The following DPP6 variants were observed in gnomAD, a reference collection of about 807,000 sequenced individuals.
DPP6 encodes the protein A-type potassium channel modulatory protein DPP6.
In DPP6, 69 loss-of-function variants were observed where a neutral mutation model predicts 122.6. That is an observed-to-expected ratio of 0.56 (90% CI 0.46 to 0.69). The LOEUF (loss-of-function observed/expected upper bound fraction) is 0.69. DPP6 is among the 30% of genes least tolerant of loss of function. DPP6 has a pLI of 0.00. For missense variants in DPP6, 928 were observed against 1,116.9 expected (o/e 0.83, Z 2.41); for synonymous variants, 418 against 433.1 (o/e 0.97, Z 0.43).
intron 1 of DPP6, among the ~76,000 whole-genome samples, chr7:154,013,345 A>C (rs1254989748): frequency 6.6e-6 from 1 of 152,210 alleles, no homozygotes; most frequent in East Asian, 1.9e-4. Context: ...GATGTATTTA[A>C]CCACTTTGTT....
intron 8 of DPP6, among the ~76,000 whole-genome samples, chr7:154,766,507 G>A (rs12719620): frequency 0.53 from 79,936 of 151,816 alleles, 21,413 homozygotes; most frequent in African/African-American, 0.62. Context: ...GGGTTTCACC[G>A]TGTTGACCAG....
At chr7:154,646,357 C>T (rs1316246098) in intron 6 of DPP6, among the ~76,000 whole-genome samples, 6 of 152,084 alleles carry the variant, frequency 3.9e-5, no homozygotes, top group South Asian at 4.2e-4. Context: ...CTCCCAAACC[C>T]GGAATGTGTT....
At chr7:154,170,878 A>T (rs1005767674) in intron 1 of DPP6, among the ~76,000 whole-genome samples, 1 of 152,122 alleles carries the variant, frequency 6.6e-6, no homozygotes, top group African/African-American at 2.4e-5. Context: ...TCACGGTAGG[A>T]GATGGGTCTT....
At chr7:154,750,650 C>T (rs1002982236) in intron 8 of DPP6, among the ~76,000 whole-genome samples, 2 of 152,218 alleles carry the variant, frequency 1.3e-5, no homozygotes, top group African/African-American at 4.8e-5. Flanking sequence ...TTCCTACCCA[C>T]ACCAGCCAGT....
rs953422888 is a variant in DPP6 at position 154,761,659 on chromosome 7, G to A, written c.884-7758G>A. Among the ~76,000 whole-genome samples the A allele has an allele frequency of 5.3e-5, 8 of 152,270 alleles. No individual in the cohort carries two copies. The East Asian group carries it at 9.6e-4, about 18-fold the overall frequency. ...TGCATCACGTGGTGGGAGCAGGAGT[G>A]AGAGGGAGTGAGTAGGGGTGAGGGA... On this transcript the variant is annotated intron_variant, in intron 8 of 25. Transcript: ENST00000377770.
the DPP6 span, among the ~76,000 whole-genome samples, chr7:153,879,440 A>G: frequency 3.1e-4 from 47 of 152,168 alleles, no homozygotes; most frequent in African/African-American, 9.4e-4. Flanking sequence ...CCCAGGCTGG[A>G]GTGCAGCAGT....
chr7:153,987,444 C>G lies in DPP6; in HGVS notation c.51+99710C>G, dbSNP rs1230019039. On this transcript the variant is annotated intron_variant, in intron 1 of 25. Coordinates refer to the DPP6 transcript ENST00000404039. ...ACGAAACTTCTCTTGGAAGCTTATT[C>G]CCCCTCACCAGGGAAGGAGTTAGTG... Among the ~76,000 whole-genome samples, 6 of 152,314 alleles carry G rather than the reference C, an allele frequency of 3.9e-5. No homozygotes were observed. The South Asian group carries it at 1.2e-3, about 32-fold the overall frequency.
At chr7:154,022,588 C>T (rs566174441) in intron 1 of DPP6, among the ~76,000 whole-genome samples, 2 of 152,134 alleles carry the variant, frequency 1.3e-5, no homozygotes, top group Admixed American at 6.5e-5. Flanking sequence ...GATGCTCCCC[C>T]CTGAAATTTT....
chr7:154,510,933 CAT>C (rs1826025238), intron 3 of DPP6, among the ~76,000 whole-genome samples: 2 of 59,516 alleles, frequency 3.4e-5, no homozygotes, highest in African/African-American at 5.9e-5. Context: ...TACACACACA[CAT>C]GCACACACAC....
At chr7:154,462,174 T>C (rs1192587970) in intron 2 of DPP6, among the ~76,000 whole-genome samples, 1 of 152,198 alleles carries the variant, frequency 6.6e-6, no homozygotes. Flanking sequence ...TCACTGTAGG[T>C]ATATGGATTT....
chr7:154,669,378 C>G lies in DPP6; in HGVS notation c.699C>G (p.Asp233Glu). The change falls in exon 7 of 26, where the codon GAC (aspartate) becomes GAG (glutamate). Residue 233 changes from aspartate (D) to glutamate (E), a missense_variant. Physicochemically the swap from Asp to Glu is conservative, Grantham distance 45 (BLOSUM62 2). Coordinates refer to ENST00000377770, the MANE Select transcript of DPP6 (RefSeq NM_130797.4). ...KIPHGDPQSLDPPEVSNAKLQ... is the reference protein window; with the variant it reads ...KIPHGDPQSLEPPEVSNAKLQ... ...TTTTCAGGGATCCTCAAAGTCTGGA[C>G]CCACCAGAAGTCAGCAATGCAAAAC... 2 of 1,555,350 alleles carry G rather than the reference C, an allele frequency of 1.3e-6. No homozygotes were observed. Among genetic ancestry groups the G allele is most frequent in the Non-Finnish European group, 1.7e-6 (2 of 1,148,726 alleles).
chr7:154,761,010 T>A (rs1795514470), intron 8 of DPP6, among the ~76,000 whole-genome samples: 1 of 152,054 alleles, frequency 6.6e-6, no homozygotes, highest in Non-Finnish European at 1.5e-5. Context: ...AATTTTTGTA[T>A]TTTTAGTAGA....
chr7:154,446,734 T>A (rs375909089), intron 2 of DPP6, among the ~76,000 whole-genome samples: 2 of 152,314 alleles, frequency 1.3e-5, no homozygotes, highest in African/African-American at 4.8e-5. Flanking sequence ...TAGGTACTAC[T>A]GAATATTACA....
intron 1 of DPP6, among the ~76,000 whole-genome samples, chr7:154,131,818 GAAT>G (rs1345811751): frequency 6.6e-6 from 1 of 152,026 alleles, no homozygotes; most frequent in East Asian, 1.9e-4. Flanking sequence ...AAGGAGAAAA[GAAT>G]AAACAATTTC....
chr7:154,375,465 G>A (rs1381407320), intron 1 of DPP6, among the ~76,000 whole-genome samples: 1 of 152,134 alleles, frequency 6.6e-6, no homozygotes, highest in Middle Eastern at 3.2e-3. Flanking sequence ...TGTTGTGGAG[G>A]TCCTAACCTC....
At chr7:154,884,003 C>T (rs1360810388) in intron 21 of DPP6, 4 of 127,954 alleles carry the variant, frequency 3.1e-5, no homozygotes, top group Non-Finnish European at 6.6e-5. Flanking sequence ...TACACATGCT[C>T]ACCCACACAC....
intron 8 of DPP6, among the ~76,000 whole-genome samples, chr7:154,737,221 G>A (rs970462118): frequency 2.0e-5 from 3 of 152,208 alleles, no homozygotes; most frequent in Non-Finnish European, 4.4e-5. Context: ...GCGCTATGAA[G>A]AAAGCTCTAG....
chr7:154,511,536 C>A (rs2129806116), intron 3 of DPP6, among the ~76,000 whole-genome samples: 1 of 152,232 alleles, frequency 6.6e-6, no homozygotes, highest in Admixed American at 6.5e-5. Context: ...ATTACAGAAC[C>A]ATTGTAAATA....
At chr7:153,896,728 T>A (rs6971208) in intron 1 of DPP6, among the ~76,000 whole-genome samples, 38,790 of 152,204 alleles carry the variant, frequency 0.25, 5,161 homozygotes, top group African/African-American at 0.34. Flanking sequence ...CAGGAGGATC[T>A]TTTGAGCCCA....
Sources: gnomAD v4.1 joint callset for allele counts (sites outside exome capture counted in the v4.1 genomes callset) on GRCh38, gnomAD v4.1.1 for gene constraint, MANE v1.5 for transcripts, NCBI Gene and HGNC (gene_info 2026-07-23, HGNC 2026-07-21) for gene names.